FTCDNL1: variants seen among roughly 807,000 people sequenced by gnomAD.
FTCDNL1 encodes the protein formiminotransferase N-terminal subdomain-containing protein.
FTCDNL1 carries 11 observed loss-of-function variants against 5.9 expected under a neutral mutation model. The ratio of observed to expected loss-of-function variants is 1.87; its 90% CI spans 1.18 to 3.10. The LOEUF (loss-of-function observed/expected upper bound fraction) is 3.10, where lower values mean the gene tolerates loss of function less well. Ranked by LOEUF, FTCDNL1 falls within the 30% of genes most tolerant of loss-of-function variation. FTCDNL1 has a pLI of 0.00. For missense variants in FTCDNL1, 115 were observed against 65.5 expected, an observed-to-expected ratio of 1.76 and a Z score of -2.61; for synonymous variants, 58 against 24.8, an observed-to-expected ratio of 2.34 and a Z score of -3.99.
At chr2:199,669,185 GAGC>G in the FTCDNL1 span, among the ~76,000 whole-genome samples, 1 of 151,972 alleles carries the variant, frequency 6.6e-6, no homozygotes, top group African/African-American at 2.4e-5. Context: ...AGAATGAACA[GAGC>G]ATTGTTAACT....
the FTCDNL1 span, among the ~76,000 whole-genome samples, chr2:199,675,622 T>C: frequency 6.6e-6 from 1 of 152,072 alleles, no homozygotes; most frequent in Admixed American, 6.5e-5. Flanking sequence ...TCCATCGTCC[T>C]TCTGTCTTGG....
At chr2:199,674,300 T>G in the FTCDNL1 span, among the ~76,000 whole-genome samples, 1 of 151,950 alleles carries the variant, frequency 6.6e-6, no homozygotes, top group Non-Finnish European at 1.5e-5. Flanking sequence ...AGACTTTTCA[T>G]AAGGAGAGGG....
the FTCDNL1 span, among the ~76,000 whole-genome samples, chr2:199,738,672 G>A: frequency 6.6e-6 from 1 of 152,130 alleles, no homozygotes; most frequent in Non-Finnish European, 1.5e-5. Flanking sequence ...AAATCTCAGT[G>A]CTTTAAATTC....
At chr2:199,689,369 T>C in the FTCDNL1 span, among the ~76,000 whole-genome samples, 19 of 152,304 alleles carry the variant, frequency 1.2e-4, no homozygotes, top group South Asian at 3.9e-3. Context: ...TAAGAGTCCA[T>C]AATGACGGCC....
the FTCDNL1 span, among the ~76,000 whole-genome samples, chr2:199,691,795 G>A: frequency 6.6e-6 from 1 of 152,066 alleles, no homozygotes; most frequent in Admixed American, 6.5e-5. Context: ...CACTACAGAT[G>A]TGCATAACTT....
At chr2:199,783,152 C>T (rs1699455141) in intron 3 of FTCDNL1, among the ~76,000 whole-genome samples, 1 of 152,164 alleles carries the variant, frequency 6.6e-6, no homozygotes, top group South Asian at 2.1e-4. Flanking sequence ...CTACTGTCAG[C>T]CCTAGACAAT....
At chr2:199,776,616 G>A (rs1699084231) in intron 3 of FTCDNL1, among the ~76,000 whole-genome samples, 1 of 152,184 alleles carries the variant, frequency 6.6e-6, no homozygotes. Flanking sequence ...TAAGTCAACT[G>A]TGCAAGGGAA....
At chr2:199,738,302 G>A in the FTCDNL1 span, among the ~76,000 whole-genome samples, 2 of 152,108 alleles carry the variant, frequency 1.3e-5, no homozygotes, top group Non-Finnish European at 2.9e-5. Context: ...TTAGTTGTTT[G>A]ATTTTTACTG....
At chr2:199,790,596 A>G (rs1206863604) in intron 3 of FTCDNL1, among the ~76,000 whole-genome samples, 8 of 152,190 alleles carry the variant, frequency 5.3e-5, no homozygotes, top group African/African-American at 1.9e-4. Context: ...TAAAAATCAA[A>G]TAAAAATCAA....
chr2:199,846,159 G>A lies in FTCDNL1; in HGVS notation c.127C>T (p.Pro43Ser), dbSNP rs1374418390. Residue 43 changes from proline (P) to serine (S), a missense_variant, in exon 3 of 5, where the codon CCT (proline) becomes TCT (serine). Coordinates refer to ENST00000420128, the MANE Select transcript of FTCDNL1 (RefSeq NM_001363886.2). The stretch of plus-strand genomic sequence containing the variant: ...AATATATTGAGCACTGAAACTTGAG[G>A]ATGTTTCTTTCCTGTAAAAAAAACA... ...ALLDKNGKKH[P>S]QVSVLNIFSD... 1 of 697,090 alleles carries A rather than the reference G, an allele frequency of 1.4e-6. No homozygotes were observed. The highest frequency in any genetic ancestry group is 2.0e-5 in the Admixed American group (1 of 49,328). 43.2% of individuals were successfully genotyped at this position (697,090 alleles called of 1,614,324 possible).
chr2:199,677,558 C>T, the FTCDNL1 span, among the ~76,000 whole-genome samples: 1 of 152,060 alleles, frequency 6.6e-6, no homozygotes, highest in Non-Finnish European at 1.5e-5. Flanking sequence ...GAGAGCATTG[C>T]CTAAGAGAGA....
chr2:199,758,112 A>G (rs976713386), downstream of FTCDNL1, among the ~76,000 whole-genome samples: 3 of 152,094 alleles, frequency 2.0e-5, no homozygotes, highest in Admixed American at 6.6e-5. Flanking sequence ...AAAGGAAAAT[A>G]ATGTTTTATT....
At chr2:199,729,521 A>G in the FTCDNL1 span, among the ~76,000 whole-genome samples, 4 of 151,930 alleles carry the variant, frequency 2.6e-5, no homozygotes, top group Non-Finnish European at 4.4e-5. Flanking sequence ...ATTCAAAATC[A>G]ATGTGCAAAA....
At chr2:199,781,642 C>G (rs1385394455) in intron 3 of FTCDNL1, among the ~76,000 whole-genome samples, 1 of 152,146 alleles carries the variant, frequency 6.6e-6, no homozygotes, top group Non-Finnish European at 1.5e-5. Context: ...ACCATACATT[C>G]TCTTGTTCAC....
chr2:199,804,965 C>T (rs1051173537), downstream of FTCDNL1, among the ~76,000 whole-genome samples: 3 of 152,204 alleles, frequency 2.0e-5, no homozygotes, highest in Non-Finnish European at 4.4e-5. Flanking sequence ...AGCCTAGAAG[C>T]TGAAAGGAGA....
intron 3 of FTCDNL1, among the ~76,000 whole-genome samples, chr2:199,770,888 C>G (rs1698774590): frequency 6.6e-6 from 1 of 152,196 alleles, no homozygotes; most frequent in Admixed American, 6.5e-5. Context: ...TGGCTGCCAG[C>G]AGATGCACAG....
chr2:199,822,144 T>G (rs1559221630), intron 3 of FTCDNL1, among the ~76,000 whole-genome samples: 1 of 152,212 alleles, frequency 6.6e-6, no homozygotes, highest in African/African-American at 2.4e-5. Context: ...GCCTCACGCC[T>G]GTAATCCTAA....
chr2:199,842,421 G>T (rs1163702627), intron 3 of FTCDNL1, among the ~76,000 whole-genome samples: 1 of 152,146 alleles, frequency 6.6e-6, no homozygotes. Flanking sequence ...AGTTCAGGCT[G>T]CCCTCACCTC....
chr2:199,683,878 T>C, the FTCDNL1 span, among the ~76,000 whole-genome samples: 1 of 152,198 alleles, frequency 6.6e-6, no homozygotes, highest in Non-Finnish European at 1.5e-5. Context: ...AGCAAAGTCA[T>C]GATGTTTGAA....
Sources: allele counts gnomAD v4.1 joint callset (sites outside exome capture counted in the v4.1 genomes callset), GRCh38; gene constraint gnomAD v4.1.1; transcripts MANE v1.5; gene names NCBI Gene and HGNC (gene_info 2026-07-23, HGNC 2026-07-21).